RORB: variants seen among roughly 807,000 people sequenced by gnomAD.
The protein encoded by RORB is nuclear receptor ROR-beta.
A neutral mutation model predicts 59.1 loss-of-function variants in RORB; 6 were observed. The observed-to-expected ratio is 0.10, with a 90% CI of 0.06 to 0.20. RORB has a LOEUF of 0.20. RORB is among the 10% of genes least tolerant of loss of function. The probability of loss-of-function intolerance (pLI) is 1.00; values close to 1 mark genes in which losing one functional copy is unlikely to be tolerated. For missense variants in RORB, 320 were observed against 560.5 expected (o/e 0.57, Z 4.33); for synonymous variants, 215 against 204.5 (o/e 1.05, Z -0.44).
intron 3 of RORB, among the ~76,000 whole-genome samples, chr9:74,639,903 A>C (rs925127114): frequency 6.6e-6 from 1 of 152,246 alleles, no homozygotes; most frequent in Non-Finnish European, 1.5e-5. Flanking sequence ...AAGATGTAAT[A>C]TAAAGATACA....
At chr9:74,572,092 T>C (rs1024056919) in intron 1 of RORB, among the ~76,000 whole-genome samples, 3 of 152,202 alleles carry the variant, frequency 2.0e-5, no homozygotes, top group African/African-American at 7.2e-5. Flanking sequence ...TGCTAGGGTT[T>C]AGTGAAAGCT....
At chr9:74,526,306 A>G (rs1416349230) in intron 1 of RORB, among the ~76,000 whole-genome samples, 1 of 151,886 alleles carries the variant, frequency 6.6e-6, no homozygotes, top group Non-Finnish European at 1.5e-5. Flanking sequence ...CTTAGAAAAT[A>G]AAAGGTTTAC....
At chr9:74,634,389 T>A (rs532751907) in intron 2 of RORB, among the ~76,000 whole-genome samples, 1 of 152,308 alleles carries the variant, frequency 6.6e-6, no homozygotes, top group South Asian at 2.1e-4. Flanking sequence ...TTAGCAAACA[T>A]TGATTCAAGG....
intron 1 of RORB, among the ~76,000 whole-genome samples, chr9:74,592,816 C>T (rs1822918895): frequency 6.6e-6 from 1 of 152,146 alleles, no homozygotes; most frequent in Non-Finnish European, 1.5e-5. Flanking sequence ...TTCAATCTCT[C>T]TCTCTCTCTC....
chr9:74,530,930 G>T (rs1475267627), intron 1 of RORB, among the ~76,000 whole-genome samples: 2 of 151,478 alleles, frequency 1.3e-5, no homozygotes, highest in East Asian at 3.9e-4. Context: ...GTGTCCAAGT[G>T]TTCTTAATTT....
intron 1 of RORB, among the ~76,000 whole-genome samples, chr9:74,605,763 T>C (rs1253539971): frequency 6.6e-6 from 1 of 152,198 alleles, no homozygotes; most frequent in East Asian, 1.9e-4. Flanking sequence ...ATTTAGAGAA[T>C]GGGCTTAAAT....
intron 1 of RORB, among the ~76,000 whole-genome samples, chr9:74,523,972 G>T (rs1440121073): frequency 7.0e-6 from 1 of 143,494 alleles, no homozygotes; most frequent in Non-Finnish European, 1.5e-5. Context: ...GAAAATTATT[G>T]CCATGACTTT....
intron 1 of RORB, among the ~76,000 whole-genome samples, chr9:74,516,701 C>CT (rs1826015800): frequency 2.0e-5 from 3 of 151,998 alleles, no homozygotes; most frequent in Non-Finnish European, 2.9e-5. Context: ...ACTTAACTGA[C>CT]ATATCAGTTA....
chr9:74,635,862 A>G (rs1208879313), intron 3 of RORB, among the ~76,000 whole-genome samples: 3 of 150,700 alleles, frequency 2.0e-5, no homozygotes, highest in Non-Finnish European at 4.4e-5. Flanking sequence ...GTATAAAGGG[A>G]TTTTGTGAGT....
In RORB at chr9:74,550,439, G is replaced by A. The variant is rs1259507545; in HGVS notation, c.7+52456G>A. On this transcript the variant is annotated intron_variant, in intron 1 of 9. Transcript: ENST00000376896. ...TTTAGCAGACCAGGGTGGGGCTTGG[G>A]TAACTGTAAGCTTTGAAAGCTCTAC... Among the ~76,000 whole-genome samples, 3 of 152,200 alleles carry A rather than the reference G, an allele frequency of 2.0e-5. No individual in the cohort carries two copies. The East Asian group carries it at 5.8e-4, about 29-fold the overall frequency.
chr9:74,663,864 C>T (rs1342660420), intron 6 of RORB, among the ~76,000 whole-genome samples: 2 of 152,102 alleles, frequency 1.3e-5, no homozygotes, highest in African/African-American at 4.8e-5. Context: ...CTAGGGTGTT[C>T]TCTAGGTTCC....
rs559137737 is a variant in RORB at position 74,688,449 on chromosome 9, A to G, written c.*2831A>G. The stretch of plus-strand genomic sequence containing the variant: ...GGTTCCTTCCCCATGAGGACTAACA[A>G]ATGTTCACAACAATCATGATCAAGT... On this transcript the variant is annotated 3_prime_UTR_variant, in exon 10 of 10. Coordinates refer to ENST00000376896, the MANE Select transcript of RORB (RefSeq NM_006914.4). 2 of 152,280 alleles carry G rather than the reference A, an allele frequency of 1.3e-5. No homozygotes were observed. Among genetic ancestry groups the G allele is most frequent in the Admixed American group, 1.3e-4 (2 of 15,288 alleles). 9.4% of individuals were successfully genotyped at this position (152,280 alleles called of 1,614,324 possible). A position where few individuals can be genotyped will look rare whatever the true frequency, so the allele number is the denominator to read the frequency against.
At chr9:74,616,758 T>TA in intron 1 of RORB, among the ~76,000 whole-genome samples, 1 of 152,242 alleles carries the variant, frequency 6.6e-6, no homozygotes, top group East Asian at 1.9e-4. Flanking sequence ...ATTTTGTGTT[T>TA]AAAAAACATG....
intron 1 of RORB, among the ~76,000 whole-genome samples, chr9:74,545,509 G>T (rs573265841): frequency 6.6e-6 from 1 of 152,268 alleles, no homozygotes; most frequent in African/African-American, 2.4e-5. Flanking sequence ...TAAGTGATCA[G>T]CAGTGTTTGT....
intron 1 of RORB, among the ~76,000 whole-genome samples, chr9:74,537,936 C>G (rs747443527): frequency 6.6e-5 from 10 of 152,048 alleles, no homozygotes; most frequent in African/African-American, 9.7e-5. Context: ...GGCCTTCATT[C>G]ACTCAGCTCT....
intron 1 of RORB, among the ~76,000 whole-genome samples, chr9:74,568,238 T>G (rs1430917742): frequency 1.3e-5 from 2 of 151,764 alleles, no homozygotes; most frequent in Non-Finnish European, 2.9e-5. Context: ...GCTTCCATAT[T>G]GGCCTAGAGC....
intron 6 of RORB, among the ~76,000 whole-genome samples, chr9:74,664,092 G>C (rs1382604479): frequency 6.6e-6 from 1 of 152,118 alleles, no homozygotes; most frequent in Non-Finnish European, 1.5e-5. Flanking sequence ...TCTTTGAAAA[G>C]TGAAATCTGC....
chr9:74,498,006 A>T, intron 1 of RORB, 23 bp downstream of exon 1: 1 of 1,607,392 alleles, frequency 6.2e-7, no homozygotes, highest in Non-Finnish European at 8.5e-7. Context: ...GCGGGCACCG[A>T]GGCTCCCCGA....
chr9:74,604,440 T>C (rs547394136), intron 1 of RORB, among the ~76,000 whole-genome samples: 65 of 152,326 alleles, frequency 4.3e-4, no homozygotes, highest in African/African-American at 1.4e-3. Context: ...TTGGACCCAC[T>C]AGTTGCAAGG....
Sources: gnomAD v4.1 joint callset for allele counts (sites outside exome capture counted in the v4.1 genomes callset) on GRCh38, gnomAD v4.1.1 for gene constraint, MANE v1.5 for transcripts, NCBI Gene and HGNC (gene_info 2026-07-23, HGNC 2026-07-21) for gene names.